Variants in TRMT1L observed in about 807,000 individuals in gnomAD.
The protein encoded by TRMT1L is tRNA methyltransferase 1L, also known as tRNA (guanine(27)-N(2))-dimethyltransferase.
Under a neutral mutation model 81.6 loss-of-function variants are expected in TRMT1L, and 28 were observed. The ratio of observed to expected loss-of-function variants is 0.34; its 90% CI spans 0.25 to 0.47. The LOEUF is 0.47. Ranked by LOEUF, TRMT1L falls within the 20% of genes least tolerant of loss-of-function variation. The pLI, the probability that TRMT1L is intolerant of heterozygous loss-of-function variation, is 1.00. For synonymous variants in TRMT1L, 301 were observed against 303.2 expected, an observed-to-expected ratio of 0.99 and a Z score of 0.07; for missense variants, 739 against 877.1, an observed-to-expected ratio of 0.84 and a Z score of 1.99.
At chr1:185,120,316 T>C (rs757585629) in intron 14 of TRMT1L, 45 bp from the exon 15 acceptor site, 1 of 1,489,024 alleles carries the variant, frequency 6.7e-7, no homozygotes, top group Non-Finnish European at 8.9e-7. Context: ...TTCTTGTATT[T>C]TTATTTAAAT....
Position 185,145,422 on chromosome 1 carries a change from G to A in TRMT1L, c.655+17C>T, listed in dbSNP as rs199742241. The stretch of plus-strand genomic sequence containing the variant: ...AGGATTTACATATTAATATGTTAAT[G>A]AGATTGCTCAACTTACCTGCAATAT... On this transcript the variant is annotated intron_variant, in intron 5 of 14. Coordinates refer to ENST00000367506, the MANE Select transcript of TRMT1L (RefSeq NM_030934.5). 1.6e-4 allele frequency: 264 copies of A among 1,602,482 alleles called. 1 individual carries two copies. The African/African-American group carries it at 3.1e-3, about 19-fold the overall frequency.
At position 185,156,765 on chromosome 1, in the gene TRMT1L, C is replaced by A. The variant is rs1428420524; in HGVS notation, c.-53G>T. The A allele has an allele frequency of 2.5e-6, 4 of 1,604,184 alleles. No homozygotes were observed. Among genetic ancestry groups the A allele is most frequent in the African/African-American group, 1.3e-5 (1 of 74,728 alleles). On this transcript the variant is annotated 5_prime_UTR_variant, in exon 1 of 15. Transcript: ENST00000367506. The stretch of plus-strand genomic sequence containing the variant: ...CGGGGACCCGGAGCGGGGCTCACGG[C>A]GGGGTCAGAGAACTGACGTGAATGC...
In TRMT1L at chr1:185,147,288, A is replaced by T. The variant is rs765876579; in HGVS notation, c.461-42T>A. ...CTGGTTATCATACATTGTTCATTAAATATTCAGTTATCAAAAATTATAAGC... is the reference window on the plus strand; with the variant it reads ...CTGGTTATCATACATTGTTCATTAATTATTCAGTTATCAAAAATTATAAGC... On this transcript the variant is annotated intron_variant, in intron 3 of 14. Transcript: ENST00000367506. 9.8e-6 allele frequency: 14 copies of T among 1,430,442 alleles called. No homozygotes were observed. In the African/African-American group the frequency reaches 1.8e-4, roughly 19 times the overall value. 88.6% of individuals were successfully genotyped at this position (1,430,442 alleles called of 1,614,324 possible).
Position 185,156,874 on chromosome 1 carries a change from CA to C in TRMT1L, c.-163del. On this transcript the variant is annotated 5_prime_UTR_variant, in exon 1 of 15. Coordinates refer to ENST00000367506, the MANE Select transcript of TRMT1L (RefSeq NM_030934.5). Reference sequence around the variant, plus strand: ...AGACAAAAGATGAAGAACCAGTGACCAAATCCTGTTAGTAGAAAACAGAAAG... The same window carrying C: ...AGACAAAAGATGAAGAACCAGTGACCAATCCTGTTAGTAGAAAACAGAAAG... 2 of 972,878 alleles carry C rather than the reference CA, an allele frequency of 2.1e-6. No homozygotes were observed. Among genetic ancestry groups the C allele is most frequent in the Non-Finnish European group, 2.9e-6 (2 of 685,760 alleles). The allele number at this position is 972,878 out of a possible 1,614,324, so 60.3% of individuals were successfully genotyped here. A position where few individuals can be genotyped will look rare whatever the true frequency, so the allele number is the denominator to read the frequency against.
rs932966027 is a variant in TRMT1L at position 185,139,874 on chromosome 1, T to C, written c.1109+99A>G. 9.5e-6 allele frequency: 13 copies of C among 1,367,954 alleles called. No homozygotes were observed. The African/African-American group carries it at 1.8e-4, about 19-fold the overall frequency. 84.7% of individuals were successfully genotyped at this position (1,367,954 alleles called of 1,614,324 possible). A position where few individuals can be genotyped will look rare whatever the true frequency, so the allele number is the denominator to read the frequency against. Reference sequence around the variant, plus strand: ...TGTCAAAAAATGGCATTAATTTAAATAAATAAACAACAAAAAACTGTCTTA... The same window carrying C: ...TGTCAAAAAATGGCATTAATTTAAACAAATAAACAACAAAAAACTGTCTTA... On this transcript the variant is annotated intron_variant, in intron 8 of 14. Coordinates refer to ENST00000367506, the MANE Select transcript of TRMT1L (RefSeq NM_030934.5).
At chr1:185,135,364 C>G (rs553354259) in intron 10 of TRMT1L, among the ~76,000 whole-genome samples, 1 of 149,246 alleles carries the variant, frequency 6.7e-6, no homozygotes, top group African/African-American at 2.5e-5. Context: ...TGCAGTGAGC[C>G]GATACTGTGC....
Position 185,137,591 on chromosome 1 carries a change from A to G in TRMT1L, c.1513+15T>C, listed in dbSNP as rs757286261. On this transcript the variant is annotated intron_variant, in intron 10 of 14. Coordinates refer to ENST00000367506, the MANE Select transcript of TRMT1L (RefSeq NM_030934.5). Reference sequence around the variant, plus strand: ...GGAGGATTATAGATAAACATAATATATAACTTGAATTTACCTTCTACCATA... The same window carrying G: ...GGAGGATTATAGATAAACATAATATGTAACTTGAATTTACCTTCTACCATA... 1.4e-5 allele frequency: 22 copies of G among 1,608,296 alleles called. No individual in the cohort carries two copies. Among genetic ancestry groups the G allele is most frequent in the Non-Finnish European group, 1.8e-5 (21 of 1,176,160 alleles).
intron 3 of TRMT1L, among the ~76,000 whole-genome samples, chr1:185,148,702 T>A (rs995865156): frequency 6.6e-6 from 1 of 152,158 alleles, no homozygotes; most frequent in African/African-American, 2.4e-5. Context: ...ATATGAGAGA[T>A]CCTTTTAATT....
In TRMT1L at chr1:185,156,749, G is replaced by A. The variant is rs1653610436; in HGVS notation, c.-37C>T. 6.2e-7 allele frequency: 1 copy of A among 1,610,602 alleles called. No homozygotes were observed. The highest frequency in any genetic ancestry group is 8.5e-7 in the Non-Finnish European group (1 of 1,178,960). On this transcript the variant is annotated 5_prime_UTR_variant, in exon 1 of 15. Transcript: ENST00000367506. ...CCGTGCCAAGCCCGCCCGGGGACCC[G>A]GAGCGGGGCTCACGGCGGGGTCAGA...
chr1:185,124,268 T>C (rs1028653360), intron 12 of TRMT1L, among the ~76,000 whole-genome samples: 5 of 152,088 alleles, frequency 3.3e-5, no homozygotes, highest in Admixed American at 1.3e-4. Flanking sequence ...GCCACAACAC[T>C]CCTTGAATTA....
chr1:185,157,212 G>C (rs1165978664), upstream of TRMT1L: 1 of 157,772 alleles, frequency 6.3e-6, no homozygotes, highest in African/African-American at 2.4e-5. Context: ...TTCCCAGCAG[G>C]CATACAGTTG....
chr1:185,135,395 G>A lies in TRMT1L; in HGVS notation c.1513+2211C>T, dbSNP rs571704000. Among the ~76,000 whole-genome samples the A allele has an allele frequency of 2.1e-3, 299 of 144,100 alleles. 3 individuals carry two copies. The highest frequency in any genetic ancestry group is 4.6e-3 in the Admixed American group (65 of 14,228). 94.5% of individuals were successfully genotyped at this position (144,100 alleles called of 152,430 possible). ...TGTGCCAGTGCACTCCAGCCTGGGT[G>A]ACAGAATGAGACTCCGTCTCAAAAA... On this transcript the variant is annotated intron_variant, in intron 10 of 14. Transcript: ENST00000367506.
chr1:185,153,779 C>T (rs1200806534), intron 1 of TRMT1L, among the ~76,000 whole-genome samples: 1 of 151,680 alleles, frequency 6.6e-6, no homozygotes, highest in Non-Finnish European at 1.5e-5. Context: ...TGTAAAGAGC[C>T]CAAGGAGACA....
intron 5 of TRMT1L, 119 bp downstream of exon 5, chr1:185,145,320 G>T: frequency 9.2e-7 from 1 of 1,089,938 alleles, no homozygotes; most frequent in Non-Finnish European, 1.3e-6. Flanking sequence ...TAATGGACTA[G>T]TGAACTAAAT....
In TRMT1L at chr1:185,119,910, T is replaced by A. The variant is rs933864274; in HGVS notation, c.*109A>T. 5 of 1,270,328 alleles carry A rather than the reference T, an allele frequency of 3.9e-6. No individual in the cohort carries two copies. In the African/African-American group the frequency reaches 7.4e-5, roughly 19 times the overall value. 78.7% of individuals were successfully genotyped at this position (1,270,328 alleles called of 1,614,324 possible). On this transcript the variant is annotated 3_prime_UTR_variant, in exon 15 of 15. Transcript: ENST00000367506. ...AGTTTCTGAATGAAAATGACACTGT[T>A]TTTTATTTTTACTCTACTGAATTGA...
chr1:185,157,328 G>A (rs1036791718), upstream of TRMT1L: 6 of 152,834 alleles, frequency 3.9e-5, no homozygotes, highest in Middle Eastern at 0.017. Context: ...GGAACTGCGG[G>A]GTGCGTTGAC....
At chr1:185,135,966 G>A (rs1571348346) in intron 10 of TRMT1L, among the ~76,000 whole-genome samples, 1 of 152,170 alleles carries the variant, frequency 6.6e-6, no homozygotes, top group East Asian at 1.9e-4. Context: ...AGCCTAAAGA[G>A]AAAAACCATA....
At chr1:185,137,472 T>C in intron 10 of TRMT1L, 134 bp downstream of exon 10, 3 of 909,362 alleles carry the variant, frequency 3.3e-6, no homozygotes, top group Non-Finnish European at 5.3e-6. Flanking sequence ...CGAAAGGAAA[T>C]CCAGTATAGG....
In TRMT1L at chr1:185,124,941, C is replaced by A; in HGVS notation, c.1759+3G>T. The stretch of plus-strand genomic sequence containing the variant: ...GCTAGTAAGCTAGCGTTCAGTTAGT[C>A]ACCTTGCTTGTTGACATTTGAAGAT... On this transcript the variant is annotated splice_donor_region_variant and intron_variant, in intron 12 of 14. Transcript: ENST00000367506. The A allele has an allele frequency of 6.2e-7, 1 of 1,607,830 alleles. No homozygotes were observed. Among genetic ancestry groups the A allele is most frequent in the South Asian group, 1.1e-5 (1 of 89,610 alleles).
Sources: allele counts gnomAD v4.1 joint callset (sites outside exome capture counted in the v4.1 genomes callset), GRCh38; gene constraint gnomAD v4.1.1; transcripts MANE v1.5; gene names NCBI Gene and HGNC (gene_info 2026-07-23, HGNC 2026-07-21).